Variants in GORAB observed in about 807,000 individuals in gnomAD.
GORAB encodes the protein golgin, RAB6 interacting.
A neutral mutation model predicts 29.9 loss-of-function variants in GORAB; 17 were observed. The observed-to-expected ratio is 0.57, with a 90% CI of 0.39 to 0.85. GORAB has a LOEUF of 0.85. Among genes scored for constraint, GORAB ranks in the 40% least tolerant of loss-of-function variants. GORAB has a pLI of 0.00. For missense variants in GORAB, 442 were observed against 437.8 expected, an observed-to-expected ratio of 1.01 and a Z score of -0.09; for synonymous variants, 183 against 157.2, an observed-to-expected ratio of 1.16 and a Z score of -1.23.
rs181934692 is a variant in GORAB at position 170,540,762 on chromosome 1, A to T, written c.419+1195A>T. On this transcript the variant is annotated intron_variant, in intron 2 of 4. Coordinates refer to ENST00000367763, the MANE Select transcript of GORAB (RefSeq NM_152281.3). ...GAAGAATTTTCATAAAAGACCTGTA[A>T]CCTCAAACCATTCACGTAAAGGAGA... Among the ~76,000 whole-genome samples the T allele has an allele frequency of 1.4e-4, 22 of 152,304 alleles. No individual in the cohort carries two copies. The East Asian group carries it at 4.2e-3, about 29-fold the overall frequency.
chr1:170,553,124 GTAA>G lies in GORAB; in HGVS notation c.*664_*666del. On this transcript the variant is annotated 3_prime_UTR_variant, in exon 5 of 5. Transcript: ENST00000367763. ...CACACACACTTATATATAAACACAT[GTAA>G]TTTTACTATTTTATTGTCTTTCCTT... 2.3e-6 allele frequency: 1 copy of G among 441,184 alleles called. No homozygotes were observed. The allele number at this position is 441,184 out of a possible 1,614,324, so 27.3% of individuals were successfully genotyped here.
intron 2 of GORAB, among the ~76,000 whole-genome samples, chr1:170,541,369 G>T (rs931196400): frequency 6.6e-6 from 1 of 152,036 alleles, no homozygotes; most frequent in Non-Finnish European, 1.5e-5. Flanking sequence ...CTCTCTGAGG[G>T]CTAAAGGCCG....
Position 170,532,291 on chromosome 1 carries a change from A to T in GORAB, c.61+7A>T. On this transcript the variant is annotated splice_region_variant and intron_variant, in intron 1 of 4. Coordinates refer to ENST00000367763, the MANE Select transcript of GORAB (RefSeq NM_152281.3). ...AGACTAAAGCAGACTAAAGGTTACA[A>T]GATGGGTTTACAGTGGTTTAATTCT... 6.2e-7 allele frequency: 1 copy of T among 1,614,038 alleles called. No individual in the cohort carries two copies. The highest frequency in any genetic ancestry group is 8.5e-7 in the Non-Finnish European group (1 of 1,179,904).
At chr1:170,532,398 G>A (rs1045765407) in intron 1 of GORAB, 114 bp downstream of exon 1, 11 of 1,166,584 alleles carry the variant, frequency 9.4e-6, no homozygotes, top group African/African-American at 1.5e-5. Context: ...GTTAGCGGAA[G>A]GCGCTGTAAG....
At chr1:170,543,702 G>A (rs1649583307) in intron 3 of GORAB, among the ~76,000 whole-genome samples, 1 of 149,828 alleles carries the variant, frequency 6.7e-6, no homozygotes, top group Non-Finnish European at 1.5e-5. Flanking sequence ...ATTTCTAAGA[G>A]ATGGGAAGGC....
intron 3 of GORAB, among the ~76,000 whole-genome samples, chr1:170,544,166 C>T (rs576571963): frequency 2.0e-4 from 30 of 152,192 alleles, no homozygotes; most frequent in South Asian, 4.1e-4. Context: ...AAAGAATTTT[C>T]GTAACTAGTA....
At chr1:170,542,664 C>A in intron 3 of GORAB, 72 bp downstream of exon 3, 1 of 996,296 alleles carries the variant, frequency 1.0e-6, no homozygotes. Context: ...ATTTGTTTTC[C>A]CATGTCTCTT....
At chr1:170,532,345 C>A in intron 1 of GORAB, 61 bp downstream of exon 1, 5 of 1,570,372 alleles carry the variant, frequency 3.2e-6, no homozygotes, top group Non-Finnish European at 4.4e-6. Context: ...GGCGGGGATG[C>A]AGCTTTGGCG....
chr1:170,542,953 A>G (rs1457094577), intron 3 of GORAB, among the ~76,000 whole-genome samples: 1 of 152,200 alleles, frequency 6.6e-6, no homozygotes, highest in Non-Finnish European at 1.5e-5. Context: ...GGAGGCCTTA[A>G]TCATTTGATG....
At chr1:170,533,525 G>A (rs1480698954) in intron 1 of GORAB, 1 of 454,140 alleles carries the variant, frequency 2.2e-6, no homozygotes, top group Non-Finnish European at 4.4e-6. Context: ...AAACCACAAA[G>A]TTATGTGATA....
In GORAB at chr1:170,532,200, TG is replaced by T; in HGVS notation, c.-19del. The T allele has an allele frequency of 6.2e-7, 1 of 1,613,814 alleles. No individual in the cohort carries two copies. Among genetic ancestry groups the T allele is most frequent in the Non-Finnish European group, 8.5e-7 (1 of 1,179,996 alleles). On this transcript the variant is annotated 5_prime_UTR_variant, in exon 1 of 5. Coordinates refer to ENST00000367763, the MANE Select transcript of GORAB (RefSeq NM_152281.3). ...CGCGGCTGCGAGATTTGGGCACTTT[TG>T]GGGGTGCCGGTGGCCCGGGCCGATG... is the stretch of plus-strand genomic sequence containing the variant.
chr1:170,550,664 G>A (rs570439882), intron 4 of GORAB, among the ~76,000 whole-genome samples: 1 of 152,306 alleles, frequency 6.6e-6, no homozygotes, highest in East Asian at 1.9e-4. Flanking sequence ...CCAAGACAGA[G>A]AATCCTAAAT....
chr1:170,538,471 A>T, intron 1 of GORAB, among the ~76,000 whole-genome samples: 1 of 152,284 alleles, frequency 6.6e-6, no homozygotes, highest in Middle Eastern at 3.4e-3. Context: ...ACTGGCATGG[A>T]CAGTCCAAAA....
At chr1:170,544,969 T>TCTGTC in intron 4 of GORAB, 124 bp downstream of exon 4, 1 of 1,441,920 alleles carries the variant, frequency 6.9e-7, no homozygotes, top group Non-Finnish European at 9.2e-7. Flanking sequence ...CAGTGCTGTA[T>TCTGTC]TTATTCTTCT....
At chr1:170,545,746 A>G in intron 4 of GORAB, 6 of 985,212 alleles carry the variant, frequency 6.1e-6, no homozygotes, top group Non-Finnish European at 6.0e-6. Flanking sequence ...TAAAGCGGAA[A>G]TGCTTGATTG....
chr1:170,538,402 T>C (rs566632062), intron 1 of GORAB, among the ~76,000 whole-genome samples: 15 of 152,326 alleles, frequency 9.8e-5, no homozygotes, highest in African/African-American at 3.6e-4. Flanking sequence ...TTATAGATCT[T>C]ATGAAATATA....
intron 1 of GORAB, chr1:170,536,294 A>G (rs971705012): frequency 6.6e-6 from 1 of 152,194 alleles, no homozygotes. Flanking sequence ...TTCTGCTGAT[A>G]TATAAAAAAT....
Position 170,532,196 on chromosome 1 carries a change from C to G in GORAB, c.-28C>G, listed in dbSNP as rs553663341. On this transcript the variant is annotated 5_prime_UTR_variant, in exon 1 of 5. Coordinates refer to ENST00000367763, the MANE Select transcript of GORAB (RefSeq NM_152281.3). ...CAGTCGCGGCTGCGAGATTTGGGCACTTTTGGGGGTGCCGGTGGCCCGGGC... is the reference window on the plus strand; with the variant it reads ...CAGTCGCGGCTGCGAGATTTGGGCAGTTTTGGGGGTGCCGGTGGCCCGGGC... The G allele has an allele frequency of 3.6e-5, 58 of 1,613,770 alleles. No homozygotes were observed. The highest frequency in any genetic ancestry group is 4.8e-5 in the Non-Finnish European group (57 of 1,180,040).
chr1:170,532,392 G>C (rs1257745996), intron 1 of GORAB, 108 bp downstream of exon 1: 1 of 1,230,676 alleles, frequency 8.1e-7, no homozygotes, highest in African/African-American at 1.5e-5. Context: ...GTTTGTGTTA[G>C]CGGAAGGCGC....
Sources: gnomAD v4.1 joint callset for allele counts (sites outside exome capture counted in the v4.1 genomes callset) on GRCh38, gnomAD v4.1.1 for gene constraint, MANE v1.5 for transcripts, NCBI Gene and HGNC (gene_info 2026-07-23, HGNC 2026-07-21) for gene names.